Variants in SLC6A17 observed in about 807,000 individuals in gnomAD.
The protein encoded by SLC6A17 is sodium-dependent neutral amino acid transporter SLC6A17.
Under a neutral mutation model 64.5 loss-of-function variants are expected in SLC6A17, and 21 were observed. The observed-to-expected ratio is 0.33, with a 90% CI of 0.23 to 0.47. The LOEUF is 0.47. SLC6A17 is among the 20% of genes least tolerant of loss of function. The pLI is 1.00. For synonymous variants in SLC6A17, 372 were observed against 399.5 expected (o/e 0.93, Z 0.82); for missense variants, 682 against 963.2 (o/e 0.71, Z 3.86).
At chr1:110,193,166 G>T (rs1418648449) in intron 8 of SLC6A17, among the ~76,000 whole-genome samples, 1 of 152,192 alleles carries the variant, frequency 6.6e-6, no homozygotes, top group East Asian at 1.9e-4. Flanking sequence ...CTATGAGATG[G>T]GGGGCTTGAT....
chr1:110,198,069 C>T lies in SLC6A17; in HGVS notation c.1816-7C>T, dbSNP rs554064617. 593 of 1,606,400 alleles carry T rather than the reference C, an allele frequency of 3.7e-4. 9 individuals are homozygous for T. The South Asian group carries it at 6.3e-3, about 17-fold the overall frequency. ...CGGCAGCAGCCCTTAAGGCAGCCCACCCGCAGGCTGCCGAGCGCTACCTGT... is the reference window on the plus strand; with the variant it reads ...CGGCAGCAGCCCTTAAGGCAGCCCATCCGCAGGCTGCCGAGCGCTACCTGT... On this transcript the variant is annotated splice_region_variant and splice_polypyrimidine_tract_variant and intron_variant, in intron 11 of 11. Coordinates refer to ENST00000331565, the MANE Select transcript of SLC6A17 (RefSeq NM_001010898.4).
intron 10 of SLC6A17, among the ~76,000 whole-genome samples, chr1:110,196,594 A>T (rs1656976627): frequency 6.6e-6 from 1 of 152,200 alleles, no homozygotes; most frequent in Non-Finnish European, 1.5e-5. Context: ...CAGTCTGGTG[A>T]TGTCCCTGTA....
chr1:110,180,232 G>T (rs962324922), intron 6 of SLC6A17, among the ~76,000 whole-genome samples: 1 of 152,228 alleles, frequency 6.6e-6, no homozygotes, highest in Non-Finnish European at 1.5e-5. Context: ...ATGAAAATTG[G>T]TGGCTGAAGG....
intron 6 of SLC6A17, among the ~76,000 whole-genome samples, chr1:110,179,962 C>T (rs781168969): frequency 2.0e-5 from 3 of 152,070 alleles, no homozygotes; most frequent in Non-Finnish European, 2.9e-5. Context: ...AAATCAAATC[C>T]AGGAGCCAGG....
intron 6 of SLC6A17, among the ~76,000 whole-genome samples, chr1:110,180,385 A>C (rs1309468993): frequency 6.6e-6 from 1 of 152,228 alleles, no homozygotes; most frequent in Non-Finnish European, 1.5e-5. Flanking sequence ...TGCAGGAACA[A>C]AAACCCCAGC....
intron 2 of SLC6A17, among the ~76,000 whole-genome samples, chr1:110,167,417 T>G (rs1656097288): frequency 6.6e-6 from 1 of 152,150 alleles, no homozygotes; most frequent in Non-Finnish European, 1.5e-5. Context: ...GAAAGTGGGC[T>G]CTGGCCCCAG....
rs933550776 is a variant in SLC6A17, at chr1:110,200,213, TC to T, written c.*1774del. On this transcript the variant is annotated 3_prime_UTR_variant, in exon 12 of 12. Coordinates refer to ENST00000331565, the MANE Select transcript of SLC6A17 (RefSeq NM_001010898.4). ...TTCCCCCAAGCCTGGGAGCAGTCTA[TC>T]CCCCAACCCTGCCATCTCCCTTACT... 8.3e-5 allele frequency: 33 copies of T among 397,396 alleles called. No individual in the cohort carries two copies. The highest frequency in any genetic ancestry group is 6.2e-4 in the Middle Eastern group (1 of 1,610). 24.6% of individuals were successfully genotyped at this position (397,396 alleles called of 1,614,324 possible).
chr1:110,154,518 A>G (rs1655703768), intron 1 of SLC6A17, among the ~76,000 whole-genome samples: 1 of 152,216 alleles, frequency 6.6e-6, no homozygotes, highest in African/African-American at 2.4e-5. Context: ...CAAACGTCCA[A>G]GGTTTGGGGA....
In SLC6A17 at chr1:110,199,759, T is replaced by G. The variant is rs1215136515; in HGVS notation, c.*1315T>G. 7.7e-6 allele frequency: 3 copies of G among 388,740 alleles called. No individual in the cohort carries two copies. Among genetic ancestry groups the G allele is most frequent in the Non-Finnish European group, 1.4e-5 (3 of 220,402 alleles). 24.1% of individuals were successfully genotyped at this position (388,740 alleles called of 1,614,324 possible). A position where few individuals can be genotyped will look rare whatever the true frequency, so the allele number is the denominator to read the frequency against. ...ACAGCGACCCCACCTGCCATTACCTTCAGGGCCTCCTCTGGAAGAGAACCC... is the reference window on the plus strand; with the variant it reads ...ACAGCGACCCCACCTGCCATTACCTGCAGGGCCTCCTCTGGAAGAGAACCC... On this transcript the variant is annotated 3_prime_UTR_variant, in exon 12 of 12. Transcript: ENST00000331565.
intron 1 of SLC6A17, 65 bp from the exon 2 acceptor site, chr1:110,166,778 C>T: frequency 1.0e-6 from 1 of 981,792 alleles, no homozygotes; most frequent in Non-Finnish European, 1.4e-6. Context: ...GGGTTGTGTC[C>T]ACGTTGGGCT....
chr1:110,166,567 T>C (rs579966), intron 1 of SLC6A17, among the ~76,000 whole-genome samples: 151,807 of 152,332 alleles, frequency 1, 75,645 homozygotes, highest in Middle Eastern at 1. Flanking sequence ...TCACGGATAA[T>C]GCTCTACTTG....
Position 110,172,197 on chromosome 1 carries a change from A to G in SLC6A17, c.424A>G (p.Ile142Val), listed in dbSNP as rs148377467. ...CTATATATGTCCCCGCCTGGGGGGC[A>G]TCGGCTTCTCCAGCTGCATAGTGAG... is the stretch of plus-strand genomic sequence containing the variant. ...WHYICPRLGG[I>V]GFSSCIVCLF... The change falls in exon 3 of 12, where the codon ATC becomes GTC. Residue 142 changes from isoleucine (I) to valine (V), a missense_variant. By Grantham distance (29) the Ile-to-Val change is conservative (BLOSUM62 3). Coordinates refer to ENST00000331565, the MANE Select transcript of SLC6A17 (RefSeq NM_001010898.4). The G allele has an allele frequency of 8.1e-4, 1,293 of 1,597,072 alleles. 3 individuals are homozygous for G. Among genetic ancestry groups the G allele is most frequent in the Non-Finnish European group, 8.9e-4 (1,044 of 1,172,260 alleles).
At chr1:110,162,888 C>G (rs1303857412) in intron 1 of SLC6A17, among the ~76,000 whole-genome samples, 1 of 152,002 alleles carries the variant, frequency 6.6e-6, no homozygotes, top group South Asian at 2.1e-4. Context: ...GGCACCCTCC[C>G]TTGACACATG....
chr1:110,163,557 A>C (rs1655972580), intron 1 of SLC6A17, among the ~76,000 whole-genome samples: 1 of 152,162 alleles, frequency 6.6e-6, no homozygotes, highest in East Asian at 1.9e-4. Context: ...AGCCATCATT[A>C]AATGCAACCT....
intron 6 of SLC6A17, among the ~76,000 whole-genome samples, chr1:110,181,858 G>A (rs1656532950): frequency 6.6e-6 from 1 of 152,214 alleles, no homozygotes; most frequent in African/African-American, 2.4e-5. Flanking sequence ...GCTCGAATAG[G>A]AGGGGAAGGA....
rs150626745 is a variant in SLC6A17 at position 110,152,334 on chromosome 1, G to C, written c.-88+1451G>C. Among the ~76,000 whole-genome samples, 277 of 152,330 alleles carry C rather than the reference G, an allele frequency of 1.8e-3. 2 individuals are homozygous for C. The highest frequency in any genetic ancestry group is 6.3e-3 in the African/African-American group (260 of 41,586). On this transcript the variant is annotated intron_variant, in intron 1 of 11. Transcript: ENST00000331565. ...CAGCGAATCCCTGAAGCTCAGCCTG[G>C]AGGGTGACTCAGTGCAGGAGGCAAA...
intron 6 of SLC6A17, 73 bp downstream of exon 6, chr1:110,176,812 T>C: frequency 7.5e-7 from 1 of 1,337,914 alleles, no homozygotes; most frequent in East Asian, 2.3e-5. Context: ...TCCTGCAATT[T>C]CATGGAATTT....
At chr1:110,166,582 C>T (rs1027874514) in intron 1 of SLC6A17, among the ~76,000 whole-genome samples, 2 of 152,184 alleles carry the variant, frequency 1.3e-5, no homozygotes. Context: ...TACTTGGGTT[C>T]GGAGTATGGC....
At chr1:110,170,312 G>T (rs868007588) in intron 2 of SLC6A17, among the ~76,000 whole-genome samples, 4 of 152,034 alleles carry the variant, frequency 2.6e-5, no homozygotes, top group African/African-American at 9.7e-5. Context: ...GTGAAACCCC[G>T]TCTCTACTAA....
Sources: allele counts gnomAD v4.1 joint callset (sites outside exome capture counted in the v4.1 genomes callset), GRCh38; gene constraint gnomAD v4.1.1; transcripts MANE v1.5; gene names NCBI Gene and HGNC (gene_info 2026-07-23, HGNC 2026-07-21).